The following VOPP1 variants were observed in gnomAD, a reference collection of about 807,000 sequenced individuals.
VOPP1 encodes VOPP1 WW domain binding protein.
A neutral mutation model predicts 23.5 loss-of-function variants in VOPP1; 8 were observed. The observed-to-expected ratio is 0.34, with a 90% CI of 0.20 to 0.61. VOPP1 has a LOEUF of 0.61. Ranked by LOEUF, VOPP1 falls within the 20% of genes least tolerant of loss-of-function variation. VOPP1 has a pLI of 0.78. For missense variants in VOPP1, 174 were observed against 238.1 expected, an observed-to-expected ratio of 0.73 and a Z score of 1.77; for synonymous variants, 83 against 97.3, an observed-to-expected ratio of 0.85 and a Z score of 0.86.
chr7:55,562,099 GA>G (rs1562632268), intron 1 of VOPP1: 2 of 702,306 alleles, frequency 2.8e-6, no homozygotes, highest in Non-Finnish European at 5.2e-6. Context: ...GTAATTGTTC[GA>G]AACTCCCTAC....
chr7:55,448,721 C>T (rs1791164534), intron 4 of VOPP1, among the ~76,000 whole-genome samples: 1 of 152,206 alleles, frequency 6.6e-6, no homozygotes. Flanking sequence ...TCAGGTCTCC[C>T]GCATCCTATT....
At chr7:55,445,644 A>G (rs912039582) in intron 4 of VOPP1, among the ~76,000 whole-genome samples, 4 of 152,126 alleles carry the variant, frequency 2.6e-5, no homozygotes, top group African/African-American at 9.7e-5. Flanking sequence ...GGACTGTTGT[A>G]TGGAGCTTCT....
At chr7:55,473,802 T>C (rs1792026373) in intron 4 of VOPP1, among the ~76,000 whole-genome samples, 2 of 152,260 alleles carry the variant, frequency 1.3e-5, no homozygotes, top group Non-Finnish European at 2.9e-5. Context: ...TCCCTGGGTA[T>C]AGCTGATTTT....
Position 55,477,930 on chromosome 7 carries a change from C to T in VOPP1, c.329-4885G>A, listed in dbSNP as rs182162217. ...CCCGGCCAGGTGGAGGCAGCGCGGCCGCGGAAGCAGCATGCAGAGGCCGCA... is the reference window on the plus strand; with the variant it reads ...CCCGGCCAGGTGGAGGCAGCGCGGCTGCGGAAGCAGCATGCAGAGGCCGCA... On this transcript the variant is annotated intron_variant, in intron 4 of 4. Transcript: ENST00000285279. 1.4e-3 allele frequency among the ~76,000 whole-genome samples: 206 copies of T among 152,300 alleles called. 1 individual carries two copies. Among genetic ancestry groups the T allele is most frequent in the African/African-American group, 4.8e-3 (198 of 41,576 alleles).
intron 1 of VOPP1, among the ~76,000 whole-genome samples, chr7:55,557,367 A>C (rs1179602311): frequency 6.6e-6 from 1 of 152,062 alleles, no homozygotes; most frequent in Non-Finnish European, 1.5e-5. Flanking sequence ...CACAACAAGC[A>C]CCTGCTAAGT....
chr7:55,447,470 C>A (rs946870408), intron 4 of VOPP1, among the ~76,000 whole-genome samples: 3 of 152,166 alleles, frequency 2.0e-5, no homozygotes, highest in African/African-American at 7.2e-5. Flanking sequence ...TGTATGTCCT[C>A]AAAGGACAGG....
chr7:55,515,028 C>G (rs950603123), intron 2 of VOPP1, among the ~76,000 whole-genome samples: 1 of 152,224 alleles, frequency 6.6e-6, no homozygotes. Context: ...CCCGAGGTCT[C>G]TGTCCACACC....
At chr7:55,466,689 C>CA, downstream of VOPP1, among the ~76,000 whole-genome samples, 1 of 152,182 alleles carries the variant, frequency 6.6e-6, no homozygotes, top group East Asian at 1.9e-4. Flanking sequence ...GATGGGATGT[C>CA]ACTATGTTGC....
chr7:55,537,326 T>C (rs1796857126), intron 1 of VOPP1, among the ~76,000 whole-genome samples: 1 of 152,218 alleles, frequency 6.6e-6, no homozygotes, highest in Non-Finnish European at 1.5e-5. Context: ...GCTGGCACTC[T>C]GCCCCCACTG....
intron 1 of VOPP1, among the ~76,000 whole-genome samples, chr7:55,526,099 A>G (rs1210121008): frequency 6.6e-6 from 1 of 152,218 alleles, no homozygotes; most frequent in Non-Finnish European, 1.5e-5. Context: ...AGCAGAGACA[A>G]TACGCAGAGC....
intron 1 of VOPP1, among the ~76,000 whole-genome samples, chr7:55,547,250 G>T (rs1449868705): frequency 6.6e-6 from 1 of 152,090 alleles, no homozygotes; most frequent in African/African-American, 2.4e-5. Flanking sequence ...GGGCTCCAGG[G>T]GTTCCACAGA....
At chr7:55,507,879 C>T (rs1309716901) in intron 2 of VOPP1, among the ~76,000 whole-genome samples, 1 of 152,176 alleles carries the variant, frequency 6.6e-6, no homozygotes, top group Non-Finnish European at 1.5e-5. Flanking sequence ...AGGGGGCCAT[C>T]ACTGCTTTGA....
At chr7:55,467,963 A>T (rs1791673058), downstream of VOPP1, among the ~76,000 whole-genome samples, 1 of 152,272 alleles carries the variant, frequency 6.6e-6, no homozygotes, top group South Asian at 2.1e-4. Flanking sequence ...AGAGTAACTA[A>T]AACATTTTTT....
intron 2 of VOPP1, among the ~76,000 whole-genome samples, chr7:55,517,157 C>G (rs1331003418): frequency 6.6e-6 from 1 of 150,946 alleles, no homozygotes; most frequent in African/African-American, 2.4e-5. Context: ...CCATGTTGCC[C>G]AGGGTGGTCT....
At chr7:55,521,788 G>C (rs1795881927) in intron 1 of VOPP1, 1 of 985,630 alleles carries the variant, frequency 1.0e-6, no homozygotes, top group African/African-American at 1.8e-5. Context: ...ATCGGAGCAG[G>C]GGCCAGATGC....
At chr7:55,566,582 A>C (rs547421034) in intron 1 of VOPP1, among the ~76,000 whole-genome samples, 7 of 152,200 alleles carry the variant, frequency 4.6e-5, no homozygotes, top group Non-Finnish European at 1.0e-4. Flanking sequence ...AATAGATTTA[A>C]AATAAAATAA....
At chr7:55,493,450 A>T (rs2129020421) in intron 3 of VOPP1, among the ~76,000 whole-genome samples, 1 of 152,348 alleles carries the variant, frequency 6.6e-6, no homozygotes, top group African/African-American at 2.4e-5. Context: ...GCGTACGATA[A>T]AGCCTTTGAG....
chr7:55,498,346 C>T (rs1794121712), intron 2 of VOPP1, among the ~76,000 whole-genome samples: 1 of 152,222 alleles, frequency 6.6e-6, no homozygotes, highest in Non-Finnish European at 1.5e-5. Context: ...CCCTCATCCC[C>T]CAACGTGTCT....
chr7:55,529,556 G>C (rs1050077249), intron 1 of VOPP1, among the ~76,000 whole-genome samples: 2 of 152,100 alleles, frequency 1.3e-5, no homozygotes, highest in African/African-American at 4.8e-5. Flanking sequence ...TGAAGGATCA[G>C]GTGATCCAAG....
Sources: allele counts gnomAD v4.1 joint callset (sites outside exome capture counted in the v4.1 genomes callset), GRCh38; gene constraint gnomAD v4.1.1; transcripts MANE v1.5; gene names NCBI Gene and HGNC (gene_info 2026-07-23, HGNC 2026-07-21).